Variants in ZNF446 observed in about 807,000 individuals in gnomAD.
The protein encoded by ZNF446 is zinc finger protein with KRAB and SCAN domains 20.
A neutral mutation model predicts 34.0 loss-of-function variants in ZNF446; 42 were observed. The observed-to-expected ratio is 1.23, with a 90% CI of 0.96 to 1.60. The LOEUF (loss-of-function observed/expected upper bound fraction) is 1.60, where lower values mean the gene tolerates loss of function less well. Among genes scored for constraint, ZNF446 ranks in the 40% most tolerant of loss-of-function variants. ZNF446 has a pLI of 0.00. For synonymous variants in ZNF446, 315 were observed against 251.0 expected (o/e 1.25, Z -2.41); for missense variants, 650 against 600.2 (o/e 1.08, Z -0.87).
rs1278043945 is a variant in ZNF446 at position 58,480,037 on chromosome 19, TC to T, written c.802+20del. Reference sequence around the variant, plus strand: ...GCGCTCGGGTGAGTGCCCCACACCATCCAGCCTGAATCACCCCTCCTGTATC... The same window carrying T: ...GCGCTCGGGTGAGTGCCCCACACCATCAGCCTGAATCACCCCTCCTGTATC... On this transcript the variant is annotated intron_variant, in intron 6 of 6. Transcript: ENST00000594369. This position sits in a 1 kb window ranked among gnomAD's most constrained non-coding sequence, Gnocchi z 7.2. The T allele has an allele frequency of 4.5e-6, 7 of 1,572,882 alleles. No homozygotes were observed. Among genetic ancestry groups the T allele is most frequent in the African/African-American group, 2.7e-5 (2 of 73,920 alleles).
intron 5 of ZNF446, 50 bp downstream of exon 5, chr19:58,479,777 A>C (rs1273264757): frequency 6.4e-6 from 10 of 1,552,046 alleles, no homozygotes; most frequent in Admixed American, 1.8e-5. Context: ...GCCTGCACCC[A>C]CCCTGCAGCA....
At chr19:58,476,660 G>A (rs1338350826) in intron 1 of ZNF446, among the ~76,000 whole-genome samples, 156 bp downstream of exon 1, 1 of 152,082 alleles carries the variant, frequency 6.6e-6, no homozygotes, top group African/African-American at 2.4e-5. Context: ...GGCTCGCTGT[G>A]GTCAGCGAGC....
rs142233722 is a variant in ZNF446, at chr19:58,480,662, G to C, written c.1289G>C (p.Arg430Pro). The C allele has an allele frequency of 6.2e-7, 1 of 1,611,446 alleles. No individual in the cohort carries two copies. The highest frequency in any genetic ancestry group is 2.2e-5 in the East Asian group (1 of 44,846). The change falls in exon 7 of 7, where the codon CGC (arginine) becomes CCC (proline). Residue 430 changes from arginine (R) to proline (P), a missense_variant. Transcript: ENST00000594369. The surrounding 1 kb of genome is among the most constrained non-coding windows in gnomAD (Gnocchi z 7.2). ...QRRHFCSDCG[R>P]AFDWKSQLVI... ...CGTCACTTCTGCAGTGACTGTGGCC[G>C]CGCCTTCGACTGGAAGTCGCAGCTG...
the ZNF446 span, among the ~76,000 whole-genome samples, chr19:58,487,228 AT>A: frequency 1.3e-5 from 2 of 152,180 alleles, no homozygotes; most frequent in African/African-American, 4.8e-5. Flanking sequence ...ATGATGTCAT[AT>A]GGCATAGTTG....
chr19:58,477,700 G>T lies in ZNF446; in HGVS notation c.406G>T (p.Gly136Trp). 6.2e-7 allele frequency: 1 copy of T among 1,613,874 alleles called. No individual in the cohort carries two copies. Among genetic ancestry groups the T allele is most frequent in the Non-Finnish European group, 8.5e-7 (1 of 1,180,016 alleles). The change falls in exon 3 of 7, where the codon GGG (glycine) becomes TGG (tryptophan). Residue 136 changes from glycine (G) to tryptophan (W), a missense_variant. Physicochemically the swap from Gly to Trp is radical, Grantham distance 184. Coordinates refer to ENST00000594369, the MANE Select transcript of ZNF446 (RefSeq NM_017908.4). ...PAAQKTEEPL[G>W]SPHPSGTVES... ...AGCCCAGAAGACAGAGGAACCACTT[G>T]GGAGCCCCCACCCCTCAGGGACAGT...
intron 3 of ZNF446, 70 bp from the exon 4 acceptor site, chr19:58,478,017 G>A (rs990021174): frequency 6.8e-7 from 1 of 1,461,284 alleles, no homozygotes; most frequent in Non-Finnish European, 9.4e-7. Context: ...CACAGCAGAG[G>A]AGCTCCTCAT....
At position 58,479,984 on chromosome 19, in the gene ZNF446, T is replaced by C; in HGVS notation, c.767T>C (p.Leu256Pro). 1 of 1,591,284 alleles carries C rather than the reference T, an allele frequency of 6.3e-7. No homozygotes were observed. Residue 256 changes from leucine (L) to proline (P), a missense_variant, in exon 6 of 7, where the codon CTC becomes CCC. Coordinates refer to ENST00000594369, the MANE Select transcript of ZNF446 (RefSeq NM_017908.4). Reference protein sequence around the residue: ...AQAQSELGMLLTGTGVCRSLR... With the variant: ...AQAQSELGMLPTGTGVCRSLR... Reference sequence around the variant, plus strand: ...GCCCAGTCAGAGCTGGGGATGCTGCTCACGGGGACAGGCGTCTGCAGAAGC... The same window carrying C: ...GCCCAGTCAGAGCTGGGGATGCTGCCCACGGGGACAGGCGTCTGCAGAAGC...
At chr19:58,483,287 A>G (rs1344357557), downstream of ZNF446, among the ~76,000 whole-genome samples, 2 of 152,164 alleles carry the variant, frequency 1.3e-5, no homozygotes, top group Non-Finnish European at 2.9e-5. Context: ...GGAGTTCGAC[A>G]CCAGCCTGGC....
At position 58,477,631 on chromosome 19, in the gene ZNF446, C is replaced by T. The variant is rs200809817; in HGVS notation, c.343-6C>T. 1.1e-5 allele frequency: 17 copies of T among 1,613,556 alleles called. No individual in the cohort carries two copies. The highest frequency in any genetic ancestry group is 9.3e-5 in the African/African-American group (7 of 74,942). On this transcript the variant is annotated splice_polypyrimidine_tract_variant and splice_region_variant and intron_variant, in intron 2 of 6. Coordinates refer to ENST00000594369, the MANE Select transcript of ZNF446 (RefSeq NM_017908.4). The stretch of plus-strand genomic sequence containing the variant: ...AGAGCCATTGTGACCTACCTCTTCT[C>T]CTCAGATCACAGCCCATGTCCTGAA...
In ZNF446 at chr19:58,477,348, C is replaced by T. The variant is rs768662240; in HGVS notation, c.130C>T (p.Leu44=). ...GGAGGTGGCAGGTCCCCGAGAAGCC[C>T]TGGCCCGGCTGCGTGAGCTGTGTTG... The part of the protein sequence containing the change: ...YQEVAGPREA[L]ARLRELCCQW... Residue 44 remains leucine (L), a synonymous_variant, in exon 2 of 7, where the codon CTG becomes TTG. Coordinates refer to ENST00000594369, the MANE Select transcript of ZNF446 (RefSeq NM_017908.4). 9.9e-6 allele frequency: 16 copies of T among 1,613,328 alleles called. No individual in the cohort carries two copies. The highest frequency in any genetic ancestry group is 1.3e-5 in the Non-Finnish European group (15 of 1,180,020).
downstream of ZNF446, among the ~76,000 whole-genome samples, chr19:58,485,236 C>T (rs1471177160): frequency 6.6e-6 from 1 of 151,470 alleles, no homozygotes; most frequent in Non-Finnish European, 1.5e-5. Context: ...CACGGTGGCT[C>T]ATGTGTATAA....
chr19:58,488,473 C>T, the ZNF446 span, among the ~76,000 whole-genome samples: 21,699 of 148,020 alleles, frequency 0.15, 1,969 homozygotes, highest in Non-Finnish European at 0.18. Context: ...ATCAATATAA[C>T]GTGATGGATT....
At chr19:58,478,358 GATCT>G (rs1193056785) in intron 4 of ZNF446, among the ~76,000 whole-genome samples, 177 bp downstream of exon 4, 3 of 152,132 alleles carry the variant, frequency 2.0e-5, no homozygotes, top group Admixed American at 1.3e-4. Flanking sequence ...ACAGACTGGT[GATCT>G]ATTATTGAAA....
Position 58,479,650 on chromosome 19 carries a change from G to T in ZNF446, c.635G>T (p.Trp212Leu). The T allele has an allele frequency of 6.2e-7, 1 of 1,613,772 alleles. No individual in the cohort carries two copies. The highest frequency in any genetic ancestry group is 8.5e-7 in the Non-Finnish European group (1 of 1,179,908). The change falls in exon 5 of 7, where the codon TGG (tryptophan) becomes TTG (leucine). Residue 212 changes from tryptophan to leucine, a missense_variant. Transcript: ENST00000594369. Reference protein sequence around the residue: ...SFHPPRIQEEWGLLDRSQKEL... With the variant: ...SFHPPRIQEELGLLDRSQKEL... ...GATGGGCCACATCCGCAGGAGGAGT[G>T]GGGGCTGCTGGACCGGTCACAGAAG... is the stretch of plus-strand genomic sequence containing the variant.
Position 58,477,573 on chromosome 19 carries a change from G to A in ZNF446, c.342+13G>A, listed in dbSNP as rs1325299447. 1 of 1,612,534 alleles carries A rather than the reference G, an allele frequency of 6.2e-7. No individual in the cohort carries two copies. Among genetic ancestry groups the A allele is most frequent in the South Asian group, 1.1e-5 (1 of 90,942 alleles). ...ACTGTTGGGCTGGGTGAGTGTGGCT[G>A]GCATCAGCTTCTTGGAGGGATAGAC... On this transcript the variant is annotated intron_variant, in intron 2 of 6. Transcript: ENST00000594369.
At chr19:58,487,732 C>T in the ZNF446 span, among the ~76,000 whole-genome samples, 1 of 152,152 alleles carries the variant, frequency 6.6e-6, no homozygotes, top group African/African-American at 2.4e-5. Flanking sequence ...TCTCATCAAC[C>T]CAGGAGGTGG....
rs539848015 is a variant in ZNF446 at position 58,476,401 on chromosome 19, T to C, written c.-144T>C. The C allele has an allele frequency of 6.6e-6, 1 of 152,468 alleles. No homozygotes were observed. The highest frequency in any genetic ancestry group is 6.5e-5 in the Admixed American group (1 of 15,318). 9.4% of individuals were successfully genotyped at this position (152,468 alleles called of 1,614,324 possible). ...GGGGGGCCGGGCCTGGCAAGTCCTCTTGGAACGCCTCCCTCTTGCCTTCCC... is the reference window on the plus strand; with the variant it reads ...GGGGGGCCGGGCCTGGCAAGTCCTCCTGGAACGCCTCCCTCTTGCCTTCCC... On this transcript the variant is annotated 5_prime_UTR_variant, in exon 1 of 7. Coordinates refer to ENST00000594369, the MANE Select transcript of ZNF446 (RefSeq NM_017908.4).
Position 58,480,145 on chromosome 19 carries a change from C to T in ZNF446, c.803-31C>T, listed in dbSNP as rs370708779. ...GCCTGAGGGAGGGGTTGCTGAGTGC[C>T]GGGACTCACCTGGTTTGCCCCTGCC... On this transcript the variant is annotated intron_variant, in intron 6 of 6. Coordinates refer to ENST00000594369, the MANE Select transcript of ZNF446 (RefSeq NM_017908.4). This position sits in a 1 kb window ranked among gnomAD's most constrained non-coding sequence, Gnocchi z 7.2. The T allele has an allele frequency of 8.9e-6, 14 of 1,580,008 alleles. No homozygotes were observed. Among genetic ancestry groups the T allele is most frequent in the South Asian group, 2.3e-5 (2 of 88,868 alleles).
chr19:58,489,443 C>T, the ZNF446 span, among the ~76,000 whole-genome samples: 1 of 152,178 alleles, frequency 6.6e-6, no homozygotes, highest in Non-Finnish European at 1.5e-5. Flanking sequence ...TCACTGGCTT[C>T]CCCCAACCCA....
Sources: gnomAD v4.1 joint callset for allele counts (sites outside exome capture counted in the v4.1 genomes callset) on GRCh38, gnomAD v4.1.1 for gene constraint, Gnocchi (gnomAD v3.1) non-coding constraint, MANE v1.5 for transcripts, NCBI Gene and HGNC (gene_info 2026-07-23, HGNC 2026-07-21) for gene names.